The following GRID1 variants were observed in gnomAD, a reference collection of about 807,000 sequenced individuals.
GRID1 encodes glutamate ionotropic receptor delta type subunit 1.
A neutral mutation model predicts 98.0 loss-of-function variants in GRID1; 28 were observed. The observed-to-expected ratio is 0.29, with a 90% confidence interval of 0.21 to 0.39. The LOEUF (loss-of-function observed/expected upper bound fraction) is 0.39. GRID1 is among the 10% of genes least tolerant of loss of function. GRID1 has a pLI of 1.00. For synonymous variants in GRID1, 553 were observed against 538.5 expected, an observed-to-expected ratio of 1.03 and a Z score of -0.37; for missense variants, 1,111 against 1,340.5, an observed-to-expected ratio of 0.83 and a Z score of 2.67.
At chr10:86,120,241 C>T (rs1174286414) in intron 4 of GRID1, among the ~76,000 whole-genome samples, 1 of 152,190 alleles carries the variant, frequency 6.6e-6, no homozygotes, top group African/African-American at 2.4e-5. Flanking sequence ...GAAACTTCCT[C>T]TAGTGCCCAT....
intron 2 of GRID1, among the ~76,000 whole-genome samples, chr10:86,235,539 C>T (rs1370119171): frequency 6.6e-6 from 1 of 152,222 alleles, no homozygotes; most frequent in African/African-American, 2.4e-5. Flanking sequence ...TGCCTGTTTA[C>T]AGTCAATCTC....
chr10:86,106,273 T>A (rs948384493), intron 4 of GRID1, among the ~76,000 whole-genome samples: 1 of 152,234 alleles, frequency 6.6e-6, no homozygotes, highest in African/African-American at 2.4e-5. Context: ...AGGTAGGGTA[T>A]GCAATAACAA....
At chr10:85,956,539 G>A (rs553822203) in intron 4 of GRID1, among the ~76,000 whole-genome samples, 3 of 152,294 alleles carry the variant, frequency 2.0e-5, no homozygotes, top group African/African-American at 7.2e-5. Flanking sequence ...GGGATTAAGT[G>A]CGGTTTTGAC....
intron 13 of GRID1, among the ~76,000 whole-genome samples, chr10:85,641,600 G>T (rs1843119096): frequency 6.6e-6 from 1 of 152,220 alleles, no homozygotes; most frequent in Non-Finnish European, 1.5e-5. Context: ...ACATCTGTGT[G>T]AACCTTAGCC....
intron 4 of GRID1, among the ~76,000 whole-genome samples, chr10:85,976,541 C>T (rs1037492094): frequency 2.6e-5 from 4 of 152,244 alleles, no homozygotes; most frequent in Non-Finnish European, 4.4e-5. Context: ...TGGGGCAAGC[C>T]ACTGCTTCCT....
At chr10:85,805,579 A>G (rs1403968623) in intron 8 of GRID1, among the ~76,000 whole-genome samples, 1 of 151,952 alleles carries the variant, frequency 6.6e-6, no homozygotes, top group Non-Finnish European at 1.5e-5. Flanking sequence ...AATTTACATC[A>G]TGTGACTATA....
intron 4 of GRID1, among the ~76,000 whole-genome samples, chr10:86,012,505 C>G (rs1220054000): frequency 1.3e-5 from 2 of 152,326 alleles, no homozygotes; most frequent in East Asian, 1.9e-4. Flanking sequence ...TAAAGCATCA[C>G]AATTAAGTAT....
At chr10:86,234,714 C>T (rs1029343691) in intron 2 of GRID1, among the ~76,000 whole-genome samples, 8 of 152,202 alleles carry the variant, frequency 5.3e-5, no homozygotes, top group Admixed American at 1.3e-4. Flanking sequence ...AGGCAGCAAG[C>T]ATCAGGCTTG....
At chr10:86,086,608 G>A (rs1016163852) in intron 4 of GRID1, among the ~76,000 whole-genome samples, 5 of 152,182 alleles carry the variant, frequency 3.3e-5, no homozygotes, top group African/African-American at 1.2e-4. Context: ...GAGTGTGCCT[G>A]TGTGCGCAAG....
At chr10:85,801,608 T>G (rs1167356569) in intron 8 of GRID1, among the ~76,000 whole-genome samples, 2 of 151,780 alleles carry the variant, frequency 1.3e-5, no homozygotes, top group African/African-American at 4.8e-5. Context: ...ATTTAATATC[T>G]TATTTATGAT....
At chr10:86,069,698 GC>G (rs1463426040) in intron 4 of GRID1, among the ~76,000 whole-genome samples, 4 of 152,296 alleles carry the variant, frequency 2.6e-5, no homozygotes, top group African/African-American at 9.6e-5. Context: ...ATCCTGAACG[GC>G]CAAGAAGCTT....
At chr10:86,303,274 C>A (rs1326833126) in intron 2 of GRID1, among the ~76,000 whole-genome samples, 2 of 152,152 alleles carry the variant, frequency 1.3e-5, no homozygotes, top group Non-Finnish European at 2.9e-5. Flanking sequence ...ATGTTTAAAT[C>A]CAGATGTAAA....
chr10:85,772,616 C>G (rs11201785), intron 8 of GRID1, among the ~76,000 whole-genome samples: 1 of 151,224 alleles, frequency 6.6e-6, no homozygotes, highest in Non-Finnish European at 1.5e-5. Context: ...AGCAAATAGA[C>G]GCAATAAAAA....
intron 8 of GRID1, among the ~76,000 whole-genome samples, chr10:85,787,418 T>C (rs1303835772): frequency 1.3e-5 from 2 of 152,118 alleles, no homozygotes; most frequent in African/African-American, 2.4e-5. Flanking sequence ...GCTAGCGGCC[T>C]GAGTAGCTCC....
intron 3 of GRID1, among the ~76,000 whole-genome samples, chr10:86,159,965 TTCATCATCACCACCA>T (rs952853841): frequency 3.9e-5 from 6 of 152,058 alleles, no homozygotes; most frequent in South Asian, 2.1e-4. Flanking sequence ...CACCATCACC[TTCATCATCACCACCA>T]TCATCATCAC....
At chr10:86,270,779 T>C (rs1847173966) in intron 2 of GRID1, among the ~76,000 whole-genome samples, 1 of 152,060 alleles carries the variant, frequency 6.6e-6, no homozygotes, top group Admixed American at 6.6e-5. Context: ...TCAGAATTTA[T>C]TCATGGAATA....
At chr10:85,976,816 G>A (rs1397398678) in intron 4 of GRID1, among the ~76,000 whole-genome samples, 1 of 152,184 alleles carries the variant, frequency 6.6e-6, no homozygotes, top group Non-Finnish European at 1.5e-5. Context: ...GTCTTCAAAG[G>A]CCCCACAGGA....
chr10:86,191,099 A>C (rs1845797030), intron 3 of GRID1, among the ~76,000 whole-genome samples: 1 of 152,166 alleles, frequency 6.6e-6, no homozygotes, highest in African/African-American at 2.4e-5. Context: ...TGTTACATGC[A>C]TTTGATGCCA....
At chr10:86,349,213 C>T (rs1177590272) in intron 2 of GRID1, among the ~76,000 whole-genome samples, 2 of 152,198 alleles carry the variant, frequency 1.3e-5, no homozygotes, top group Non-Finnish European at 2.9e-5. Flanking sequence ...AGGCAGTGGC[C>T]AGGACCATGT....
Sources: allele counts gnomAD v4.1 joint callset (sites outside exome capture counted in the v4.1 genomes callset), GRCh38; gene constraint gnomAD v4.1.1; transcripts MANE v1.5; gene names NCBI Gene and HGNC (gene_info 2026-07-23, HGNC 2026-07-21).